Variants in PRIM2 observed in about 807,000 individuals in gnomAD.
PRIM2 encodes DNA primase large subunit.
A neutral mutation model predicts 67.3 loss-of-function variants in PRIM2; 39 were observed. The ratio of observed to expected loss-of-function variants is 0.58; its 90% CI spans 0.45 to 0.76. The LOEUF is 0.76. PRIM2 is among the 30% of genes least tolerant of loss of function. PRIM2 has a pLI of 0.00. For synonymous variants in PRIM2, 143 were observed against 198.7 expected, an observed-to-expected ratio of 0.72 and a Z score of 2.36; for missense variants, 398 against 598.7, an observed-to-expected ratio of 0.66 and a Z score of 3.50.
At chr6:57,492,305 G>T (rs1389151174) in intron 7 of PRIM2, among the ~76,000 whole-genome samples, 2 of 152,136 alleles carry the variant, frequency 1.3e-5, no homozygotes, top group African/African-American at 4.8e-5. Context: ...CACTTTGGGA[G>T]GCCGAGGCGG....
the PRIM2 span, among the ~76,000 whole-genome samples, chr6:57,228,581 G>A: frequency 6.6e-6 from 1 of 152,316 alleles, no homozygotes; most frequent in Admixed American, 6.5e-5. Context: ...AGACATGTGC[G>A]ATAATGAGGT....
intron 8 of PRIM2, among the ~76,000 whole-genome samples, chr6:57,512,452 A>C (rs1327473176): frequency 6.6e-6 from 1 of 152,170 alleles, no homozygotes; most frequent in Admixed American, 6.5e-5. Context: ...TGGAGTTTAA[A>C]AAGTACTTTC....
intron 10 of PRIM2, among the ~76,000 whole-genome samples, chr6:57,540,648 A>G (rs1245854829): frequency 2.0e-5 from 3 of 152,194 alleles, no homozygotes; most frequent in Non-Finnish European, 4.4e-5. Context: ...TACTAACATG[A>G]GATATACAGA....
At chr6:57,278,024 CA>C in the PRIM2 span, among the ~76,000 whole-genome samples, 2 of 150,778 alleles carry the variant, frequency 1.3e-5, no homozygotes, top group Non-Finnish European at 3.0e-5. Context: ...CAAAACAAAA[CA>C]AAAAAAGATT....
At chr6:57,372,077 G>C (rs1769580204) in intron 5 of PRIM2, among the ~76,000 whole-genome samples, 1 of 152,178 alleles carries the variant, frequency 6.6e-6, no homozygotes, top group South Asian at 2.1e-4. Flanking sequence ...TTGATTATCT[G>C]TAATTTGTGC....
intron 7 of PRIM2, among the ~76,000 whole-genome samples, chr6:57,482,943 T>C (rs1458270956): frequency 3.2e-4 from 49 of 152,166 alleles, no homozygotes; most frequent in African/African-American, 1.2e-3. Flanking sequence ...GGAATCTTGC[T>C]TTGTCGCACA....
At chr6:57,339,863 A>T (rs1308656835) in intron 5 of PRIM2, among the ~76,000 whole-genome samples, 1 of 151,830 alleles carries the variant, frequency 6.6e-6, no homozygotes, top group Non-Finnish European at 1.5e-5. Context: ...AATGGGATCT[A>T]ATTAAACTAA....
At chr6:57,235,479 G>T in the PRIM2 span, among the ~76,000 whole-genome samples, 1 of 144,894 alleles carries the variant, frequency 6.9e-6, no homozygotes, top group Admixed American at 7.0e-5. Flanking sequence ...AAAAAAAAAT[G>T]AAAAAAATGC....
chr6:57,434,059 G>A (rs987024820), intron 7 of PRIM2, among the ~76,000 whole-genome samples: 2 of 151,818 alleles, frequency 1.3e-5, no homozygotes, highest in East Asian at 3.9e-4. Flanking sequence ...CTGGCAGCTG[G>A]GATTACAAGC....
intron 7 of PRIM2, among the ~76,000 whole-genome samples, chr6:57,443,861 T>C (rs1772279287): frequency 6.6e-6 from 1 of 152,170 alleles, no homozygotes; most frequent in Non-Finnish European, 1.5e-5. Context: ...ATGTAGTTTT[T>C]CCCATATGTT....
intron 5 of PRIM2, among the ~76,000 whole-genome samples, chr6:57,353,279 A>G (rs1581820027): frequency 2.6e-5 from 4 of 152,128 alleles, no homozygotes; most frequent in Admixed American, 1.3e-4. Flanking sequence ...TAAAGAGACA[A>G]TTTTGGAACT....
At chr6:57,256,975 A>C in the PRIM2 span, among the ~76,000 whole-genome samples, 16 of 152,294 alleles carry the variant, frequency 1.1e-4, no homozygotes, top group East Asian at 2.9e-3. Flanking sequence ...GGGGAAAAAA[A>C]CCCTAATCTT....
intron 7 of PRIM2, among the ~76,000 whole-genome samples, chr6:57,416,039 A>G (rs1771249076): frequency 6.6e-6 from 1 of 152,206 alleles, no homozygotes; most frequent in Non-Finnish European, 1.5e-5. Context: ...AATGTTCTTA[A>G]TGGCATCTAG....
Position 57,593,867 on chromosome 6 carries a change from G to C in PRIM2, c.1021-7226G>C, listed in dbSNP as rs1368824037. Among the ~76,000 whole-genome samples, 3 of 152,116 alleles carry C rather than the reference G, an allele frequency of 2.0e-5. No homozygotes were observed. The South Asian group carries it at 6.2e-4, about 32-fold the overall frequency. On this transcript the variant is annotated intron_variant, in intron 10 of 13. Transcript: ENST00000615550. ...TCCAAATTTTAGACATGTATACAAAGGCAGTAAATGAATTGGAAAGAAGAG... is the reference window on the plus strand; with the variant it reads ...TCCAAATTTTAGACATGTATACAAACGCAGTAAATGAATTGGAAAGAAGAG...
At chr6:57,612,540 A>G (rs1367423247) in intron 12 of PRIM2, among the ~76,000 whole-genome samples, 53 of 152,338 alleles carry the variant, frequency 3.5e-4, no homozygotes, top group African/African-American at 1.2e-3. Flanking sequence ...GTAGGTACAG[A>G]GTGATTGCTG....
In PRIM2 at chr6:57,507,339, C is replaced by T. The variant is rs1554347292; in HGVS notation, c.694-48C>T. 1.3e-3 allele frequency: 1,700 copies of T among 1,300,836 alleles called. 17 individuals are homozygous for T. In the Middle Eastern group the frequency reaches 0.039, roughly 30 times the overall value. 80.6% of individuals were successfully genotyped at this position (1,300,836 alleles called of 1,614,324 possible). A position where few individuals can be genotyped will look rare whatever the true frequency, so the allele number is the denominator to read the frequency against. ...TTTACATTTAGTATTCAAATATGTT[C>T]GGTGTTCGGCCTTTGCTGTTTTTAC... is the stretch of plus-strand genomic sequence containing the variant. On this transcript the variant is annotated intron_variant, in intron 7 of 13. Transcript: ENST00000615550.
At chr6:57,562,199 G>A (rs1355819787) in intron 10 of PRIM2, among the ~76,000 whole-genome samples, 2 of 152,062 alleles carry the variant, frequency 1.3e-5, no homozygotes, top group African/African-American at 4.8e-5. Flanking sequence ...TATAGAATGA[G>A]ATATAATAAT....
intron 7 of PRIM2, among the ~76,000 whole-genome samples, chr6:57,452,515 T>A (rs1772590922): frequency 6.6e-6 from 1 of 152,246 alleles, no homozygotes; most frequent in African/African-American, 2.4e-5. Flanking sequence ...GGTTTTGATT[T>A]GCATTTCTCT....
intron 5 of PRIM2, among the ~76,000 whole-genome samples, chr6:57,378,801 T>C (rs2127332919): frequency 6.6e-6 from 1 of 152,330 alleles, no homozygotes; most frequent in East Asian, 1.9e-4. Flanking sequence ...GTTTTAAAAA[T>C]TTTATCAGTG....
Sources: allele counts gnomAD v4.1 joint callset (sites outside exome capture counted in the v4.1 genomes callset), GRCh38; gene constraint gnomAD v4.1.1; transcripts MANE v1.5; gene names NCBI Gene and HGNC (gene_info 2026-07-23, HGNC 2026-07-21).